The following LUZP2 variants were observed in gnomAD, a reference collection of about 807,000 sequenced individuals.
LUZP2 encodes the protein leucine zipper protein 2.
In LUZP2, 52 loss-of-function variants were observed where a neutral mutation model predicts 51.6. That is an observed-to-expected ratio of 1.01 (90% CI 0.81 to 1.27). LUZP2 has a LOEUF of 1.27. Ranked by LOEUF, LUZP2 falls within the 50% of genes most tolerant of loss-of-function variation. LUZP2 has a pLI of 0.00. For synonymous variants in LUZP2, 154 were observed against 137.3 expected (o/e 1.12, Z -0.85); for missense variants, 436 against 395.4 (o/e 1.10, Z -0.87).
At chr11:24,982,090 T>A (rs893315357) in intron 8 of LUZP2, among the ~76,000 whole-genome samples, 5 of 151,878 alleles carry the variant, frequency 3.3e-5, no homozygotes, top group Admixed American at 1.3e-4. Context: ...GAATGGCTGT[T>A]ATTAAAAAGT....
chr11:24,579,764 AT>A (rs1229034501), intron 1 of LUZP2, among the ~76,000 whole-genome samples: 1 of 152,134 alleles, frequency 6.6e-6, no homozygotes, highest in Non-Finnish European at 1.5e-5. Flanking sequence ...AGATATATAC[AT>A]TGCAAACCTT....
intron 1 of LUZP2, among the ~76,000 whole-genome samples, chr11:24,619,244 A>G (rs1044632459): frequency 1.3e-5 from 2 of 151,970 alleles, no homozygotes; most frequent in African/African-American, 4.8e-5. Context: ...ATGTTGTCCA[A>G]GCTGGTCTCA....
At chr11:25,076,206 TC>T (rs895357967) in intron 10 of LUZP2, among the ~76,000 whole-genome samples, 5 of 142,430 alleles carry the variant, frequency 3.5e-5, no homozygotes, top group Non-Finnish European at 7.9e-5. Context: ...GTTCTTGTTT[TC>T]GTTTTTGTTT....
intron 9 of LUZP2, among the ~76,000 whole-genome samples, chr11:25,003,871 G>A (rs1856762211): frequency 6.6e-6 from 1 of 152,142 alleles, no homozygotes; most frequent in African/African-American, 2.4e-5. Context: ...AAAGGTGTGG[G>A]ACTTTCAGGC....
intron 5 of LUZP2, among the ~76,000 whole-genome samples, chr11:24,820,669 G>A (rs903040037): frequency 1.3e-5 from 2 of 152,068 alleles, no homozygotes; most frequent in African/African-American, 4.8e-5. Context: ...ATGACTCACT[G>A]GAAAAGGAAA....
intron 7 of LUZP2, among the ~76,000 whole-genome samples, chr11:24,941,024 C>G (rs1331465599): frequency 2.0e-5 from 3 of 152,006 alleles, no homozygotes; most frequent in Non-Finnish European, 4.4e-5. Flanking sequence ...TCATTTTGCT[C>G]TTAGGCAAGC....
At chr11:24,987,031 G>A (rs926050315) in intron 9 of LUZP2, among the ~76,000 whole-genome samples, 4 of 151,490 alleles carry the variant, frequency 2.6e-5, no homozygotes, top group East Asian at 1.9e-4. Flanking sequence ...CTCATCTTTC[G>A]TGTCTATTAA....
At chr11:24,742,010 A>AC (rs1859193409) in intron 4 of LUZP2, among the ~76,000 whole-genome samples, 1 of 127,898 alleles carries the variant, frequency 7.8e-6, no homozygotes, top group Non-Finnish European at 1.5e-5. Flanking sequence ...TATTATATAT[A>AC]AATATAATTA....
chr11:24,968,714 C>T (rs937554364), intron 7 of LUZP2, among the ~76,000 whole-genome samples: 3 of 152,212 alleles, frequency 2.0e-5, no homozygotes, highest in Non-Finnish European at 4.4e-5. Context: ...CTCTGATGCC[C>T]TGTCCCGCAT....
Position 24,531,632 on chromosome 11 carries a change from C to G in LUZP2, c.62+34327C>G, listed in dbSNP as rs1851003494. 2.0e-5 allele frequency among the ~76,000 whole-genome samples: 3 copies of G among 151,040 alleles called. No homozygotes were observed. In the South Asian group the frequency reaches 6.2e-4, roughly 31 times the overall value. ...GTAACCATCATCCTACTCTCTACTT[C>G]TGTGAGTAGAACTTTTTTAGCTTTC... On this transcript the variant is annotated intron_variant, in intron 1 of 11. Transcript: ENST00000336930.
At chr11:24,836,373 G>A (rs1850860454) in intron 5 of LUZP2, among the ~76,000 whole-genome samples, 1 of 151,778 alleles carries the variant, frequency 6.6e-6, no homozygotes, top group South Asian at 2.1e-4. Context: ...TAAATAGATT[G>A]AAAATGTAGT....
intron 1 of LUZP2, among the ~76,000 whole-genome samples, chr11:24,651,381 T>C (rs1012448745): frequency 1.3e-5 from 2 of 152,086 alleles, no homozygotes; most frequent in Admixed American, 1.3e-4. Context: ...TAAACACATA[T>C]GGACACAACT....
At chr11:24,841,550 A>G (rs1851034393) in intron 5 of LUZP2, among the ~76,000 whole-genome samples, 1 of 152,104 alleles carries the variant, frequency 6.6e-6, no homozygotes, top group South Asian at 2.1e-4. Flanking sequence ...TATATATGCA[A>G]TAAAATTTTT....
chr11:24,546,210 GA>G (rs1195100506), intron 1 of LUZP2, among the ~76,000 whole-genome samples: 3 of 151,956 alleles, frequency 2.0e-5, no homozygotes, highest in Non-Finnish European at 4.4e-5. Context: ...TTCGATACAG[GA>G]TTATATTGTC....
chr11:24,963,546 C>A (rs180992606), intron 7 of LUZP2, among the ~76,000 whole-genome samples: 1 of 152,176 alleles, frequency 6.6e-6, no homozygotes, highest in African/African-American at 2.4e-5. Flanking sequence ...AGCGAGACTC[C>A]GTGGGCATAG....
At chr11:24,811,904 G>C (rs1421803277) in intron 5 of LUZP2, among the ~76,000 whole-genome samples, 2 of 152,118 alleles carry the variant, frequency 1.3e-5, no homozygotes, top group Non-Finnish European at 2.9e-5. Context: ...CAAGGAAACT[G>C]AGAAGGAATA....
chr11:24,853,526 T>A (rs1220626964), intron 5 of LUZP2, among the ~76,000 whole-genome samples: 2 of 152,074 alleles, frequency 1.3e-5, no homozygotes, highest in Non-Finnish European at 2.9e-5. Flanking sequence ...TCTTCTAAAC[T>A]TTTTTTAAGG....
chr11:24,932,985 A>G (rs962591143), intron 7 of LUZP2, among the ~76,000 whole-genome samples: 1 of 152,162 alleles, frequency 6.6e-6, no homozygotes, highest in African/African-American at 2.4e-5. Context: ...ATGTGCCCAC[A>G]GGGCTCTTCC....
intron 1 of LUZP2, among the ~76,000 whole-genome samples, chr11:24,675,180 G>A (rs968524989): frequency 6.6e-6 from 1 of 152,264 alleles, no homozygotes; most frequent in East Asian, 1.9e-4. Flanking sequence ...GTGGAATTGG[G>A]TTGTTTGAAC....
Sources: gnomAD v4.1 joint callset for allele counts (sites outside exome capture counted in the v4.1 genomes callset) on GRCh38, gnomAD v4.1.1 for gene constraint, MANE v1.5 for transcripts, NCBI Gene and HGNC (gene_info 2026-07-23, HGNC 2026-07-21) for gene names.